The following EML6 variants were observed in gnomAD, a reference collection of about 807,000 sequenced individuals.
EML6 encodes the protein echinoderm microtubule-associated protein-like 6.
A neutral mutation model predicts 240.1 loss-of-function variants in EML6; 154 were observed. The observed-to-expected ratio is 0.64, with a 90% confidence interval of 0.56 to 0.73. The LOEUF (loss-of-function observed/expected upper bound fraction) is 0.73. EML6 is among the 30% of genes least tolerant of loss of function. EML6 has a pLI of 0.00. For synonymous variants in EML6, 1,148 were observed against 899.0 expected (o/e 1.28, Z -4.95); for missense variants, 2,964 against 2,474.6 (o/e 1.20, Z -4.20).
intron 2 of EML6, among the ~76,000 whole-genome samples, chr2:54,809,000 CT>C (rs935966810): frequency 9.9e-5 from 15 of 152,062 alleles, no homozygotes; most frequent in Admixed American, 2.0e-4. Context: ...AAACTTGATC[CT>C]TTTTTTGTTG....
intron 2 of EML6, 115 bp from the exon 3 acceptor site, chr2:54,813,117 C>G (rs977439941): frequency 1.3e-6 from 1 of 742,816 alleles, no homozygotes; most frequent in Admixed American, 2.9e-5. Context: ...ACAGTTCAGA[C>G]TCTTTCTCTT....
In EML6 at chr2:54,794,873, C is replaced by G. The variant is rs532125044; in HGVS notation, c.198-18359C>G. 7.9e-5 allele frequency among the ~76,000 whole-genome samples: 12 copies of G among 152,248 alleles called. No homozygotes were observed. The East Asian group carries it at 2.3e-3, about 29-fold the overall frequency. On this transcript the variant is annotated intron_variant, in intron 2 of 41. Transcript: ENST00000356458. ...TTTGTAGCTTCAGTAGGTTCTGGTA[C>G]CAAGACCAGCCCTCATCTGTATGAT...
At chr2:54,947,780 T>G (rs1268653534) in intron 28 of EML6, among the ~76,000 whole-genome samples, 1 of 152,242 alleles carries the variant, frequency 6.6e-6, no homozygotes, top group Admixed American at 6.5e-5. Context: ...GGCGCTTTAG[T>G]GCAGAGTTTG....
intron 5 of EML6, 136 bp downstream of exon 5, chr2:54,820,598 C>T (rs897577479): frequency 5.4e-6 from 3 of 556,536 alleles, no homozygotes; most frequent in Non-Finnish European, 9.4e-6. Flanking sequence ...ACCTGTTTCT[C>T]TGCTCCTGAA....
At chr2:54,912,786 C>G (rs1243475717) in intron 25 of EML6, among the ~76,000 whole-genome samples, 1 of 152,214 alleles carries the variant, frequency 6.6e-6, no homozygotes. Flanking sequence ...ATATGTACCA[C>G]ATTTCCTTTA....
chr2:54,824,556 C>G (rs532765707), intron 5 of EML6, among the ~76,000 whole-genome samples: 1 of 152,116 alleles, frequency 6.6e-6, no homozygotes, highest in Non-Finnish European at 1.5e-5. Flanking sequence ...AAAATACTTT[C>G]ATCTGAAATT....
intron 2 of EML6, among the ~76,000 whole-genome samples, chr2:54,789,045 T>C (rs879242264): frequency 7.9e-5 from 12 of 152,234 alleles, no homozygotes; most frequent in Admixed American, 6.5e-5. Context: ...TTCTTTCTTA[T>C]ATCCATCATC....
intron 24 of EML6, among the ~76,000 whole-genome samples, chr2:54,907,929 TAGA>T (rs780756140): frequency 2.9e-3 from 136 of 46,404 alleles, no homozygotes; most frequent in Non-Finnish European, 5.3e-3. Flanking sequence ...GATAGATAGA[TAGA>T]TAGATAGATA....
chr2:54,803,501 T>C (rs1670293010), intron 2 of EML6, among the ~76,000 whole-genome samples: 1 of 152,180 alleles, frequency 6.6e-6, no homozygotes, highest in Non-Finnish European at 1.5e-5. Flanking sequence ...TTTTGTTTGT[T>C]GTCACTTCTA....
intron 2 of EML6, among the ~76,000 whole-genome samples, chr2:54,802,221 A>T (rs943405032): frequency 6.6e-6 from 1 of 152,212 alleles, no homozygotes; most frequent in Non-Finnish European, 1.5e-5. Flanking sequence ...ATTGGAAAGA[A>T]TGCCCCCGAT....
At chr2:54,939,760 G>C (rs1206535473) in intron 28 of EML6, among the ~76,000 whole-genome samples, 2 of 152,210 alleles carry the variant, frequency 1.3e-5, no homozygotes, top group Non-Finnish European at 2.9e-5. Flanking sequence ...GGTTTAATGA[G>C]ATTTGGGCAT....
At chr2:54,902,504 A>T (rs1673111548) in intron 22 of EML6, among the ~76,000 whole-genome samples, 1 of 152,130 alleles carries the variant, frequency 6.6e-6, no homozygotes, top group Admixed American at 6.5e-5. Flanking sequence ...AGCTCAAGTG[A>T]TCCTTCCACC....
At chr2:54,813,204 A>T (rs764262526) in intron 2 of EML6, 28 bp from the exon 3 acceptor site, 1 of 1,506,676 alleles carries the variant, frequency 6.6e-7, no homozygotes, top group Non-Finnish European at 8.9e-7. Flanking sequence ...CAGTTGGAAG[A>T]TGTGAAAAGA....
At chr2:54,969,729 C>T (rs1273484518) in intron 41 of EML6, among the ~76,000 whole-genome samples, 1 of 152,216 alleles carries the variant, frequency 6.6e-6, no homozygotes, top group Non-Finnish European at 1.5e-5. Context: ...GTGCTAAACA[C>T]TCAAAAGGGC....
chr2:54,835,079 A>G (rs1669068563), intron 7 of EML6, among the ~76,000 whole-genome samples: 1 of 152,162 alleles, frequency 6.6e-6, no homozygotes, highest in Admixed American at 6.5e-5. Flanking sequence ...ACTCTTGCCT[A>G]GAATCTGCAT....
At chr2:54,901,147 T>G (rs1558666386) in intron 22 of EML6, among the ~76,000 whole-genome samples, 1 of 152,220 alleles carries the variant, frequency 6.6e-6, no homozygotes, top group South Asian at 2.1e-4. Flanking sequence ...AAGGCTATTA[T>G]TATTGCCACT....
At chr2:54,824,321 A>G (rs917367828) in intron 5 of EML6, among the ~76,000 whole-genome samples, 12 of 152,226 alleles carry the variant, frequency 7.9e-5, no homozygotes, top group African/African-American at 2.9e-4. Context: ...CTAAGCAAAT[A>G]CAAGCATTTT....
chr2:54,922,047 G>A (rs1166918132), intron 26 of EML6, among the ~76,000 whole-genome samples: 1 of 152,098 alleles, frequency 6.6e-6, no homozygotes, highest in African/African-American at 2.4e-5. Context: ...CAAAGCACAA[G>A]CAAAAACAAA....
intron 17 of EML6, chr2:54,882,253 T>C (rs1671854371): frequency 6.6e-6 from 1 of 151,006 alleles, no homozygotes; most frequent in Admixed American, 6.6e-5. Flanking sequence ...GTTACCTCCA[T>C]TACAAATGAA....
Sources: allele counts gnomAD v4.1 joint callset (sites outside exome capture counted in the v4.1 genomes callset), GRCh38; gene constraint gnomAD v4.1.1; transcripts MANE v1.5; gene names NCBI Gene and HGNC (gene_info 2026-07-23, HGNC 2026-07-21).